TMEM131L: variants seen among roughly 807,000 people sequenced by gnomAD.
TMEM131L encodes transmembrane protein 131-like.
In TMEM131L, 54 loss-of-function variants were observed where a neutral mutation model predicts 192.2. The ratio of observed to expected loss-of-function variants is 0.28; its 90% CI spans 0.23 to 0.35. The LOEUF is 0.35. Ranked by LOEUF, TMEM131L falls within the 10% of genes least tolerant of loss-of-function variation. TMEM131L has a pLI of 1.00. For synonymous variants in TMEM131L, 701 were observed against 704.9 expected, an observed-to-expected ratio of 0.99 and a Z score of 0.09; for missense variants, 1,888 against 1,972.9, an observed-to-expected ratio of 0.96 and a Z score of 0.82.
At chr4:153,523,264 C>T (rs1735242251) in intron 3 of TMEM131L, among the ~76,000 whole-genome samples, 1 of 152,154 alleles carries the variant, frequency 6.6e-6, no homozygotes, top group African/African-American at 2.4e-5. Context: ...AGTATGTTGC[C>T]TTTTAAGTGG....
chr4:153,577,744 T>C (rs1730053914), intron 7 of TMEM131L, among the ~76,000 whole-genome samples: 1 of 152,136 alleles, frequency 6.6e-6, no homozygotes, highest in Non-Finnish European at 1.5e-5. Context: ...GAGGAGAGTA[T>C]GAGAAGCTGA....
At chr4:153,533,147 C>T (rs546701171) in intron 3 of TMEM131L, among the ~76,000 whole-genome samples, 9 of 152,134 alleles carry the variant, frequency 5.9e-5, no homozygotes, top group East Asian at 3.9e-4. Context: ...CTACCACACC[C>T]GGCTAATTTT....
intron 2 of TMEM131L, among the ~76,000 whole-genome samples, chr4:153,470,737 T>C (rs1218994231): frequency 2.0e-5 from 3 of 152,220 alleles, no homozygotes; most frequent in African/African-American, 7.2e-5. Flanking sequence ...TGCGATTCCA[T>C]GTGATCCACG....
At position 153,591,075 on chromosome 4, in the gene TMEM131L, C is replaced by G; in HGVS notation, c.1693C>G (p.Arg565Gly). The change falls in exon 17 of 35, where the codon CGA becomes GGA. Residue 565 changes from arginine (R) to glycine (G), a missense_variant. Arg to Gly is a moderately radical substitution (Grantham distance 125). Coordinates refer to ENST00000409959, the MANE Select transcript of TMEM131L (RefSeq NM_001131007.2). ...VCKRNVLGTT[R>G]FAHLKKSKES... ...CAGGAGGAATGTTTTGGGAACAACTCGATTTGCTCACTTGAAGAAATCCAA... is the reference window on the plus strand; with the variant it reads ...CAGGAGGAATGTTTTGGGAACAACTGGATTTGCTCACTTGAAGAAATCCAA... 1 of 1,593,370 alleles carries G rather than the reference C, an allele frequency of 6.3e-7. No homozygotes were observed. Among genetic ancestry groups the G allele is most frequent in the African/African-American group, 1.3e-5 (1 of 74,294 alleles).
chr4:153,519,494 A>C (rs982412634), intron 3 of TMEM131L, among the ~76,000 whole-genome samples: 2 of 152,174 alleles, frequency 1.3e-5, no homozygotes, highest in Non-Finnish European at 2.9e-5. Flanking sequence ...AGGGATGGAG[A>C]TGCTTTGAGC....
chr4:153,583,101 A>C, intron 9 of TMEM131L, 89 bp from the exon 10 acceptor site: 1 of 742,806 alleles, frequency 1.3e-6, no homozygotes, highest in Admixed American at 2.2e-5. Context: ...GTGGTATTTT[A>C]ATGATTATAT....
At chr4:153,602,046 A>T in intron 21 of TMEM131L, 106 bp from the exon 22 acceptor site, 1 of 657,132 alleles carries the variant, frequency 1.5e-6, no homozygotes, top group East Asian at 3.0e-5. Flanking sequence ...CATTTTAGTA[A>T]TGTAGATCAT....
At chr4:153,540,161 C>CT (rs139596721) in intron 3 of TMEM131L, among the ~76,000 whole-genome samples, 6,300 of 152,004 alleles carry the variant, frequency 0.041, 344 homozygotes, top group East Asian at 0.24. Context: ...CAAAAAACAT[C>CT]TGTCAGTTCA....
chr4:153,573,549 AG>A (rs1729735180), intron 7 of TMEM131L, among the ~76,000 whole-genome samples: 1 of 152,244 alleles, frequency 6.6e-6, no homozygotes, highest in Non-Finnish European at 1.5e-5. Flanking sequence ...AATAGTTAAA[AG>A]CTAGTTATCC....
In TMEM131L at chr4:153,627,696, C is replaced by T; in HGVS notation, c.4207+9C>T. On this transcript the variant is annotated intron_variant, in intron 31 of 34. Transcript: ENST00000409959. ...TGTTGAAGAAGATAAAGGTGAGATG[C>T]ATTCGTCTTGCTGCAGACATCAGCC... The T allele has an allele frequency of 1.9e-6, 3 of 1,605,330 alleles. No individual in the cohort carries two copies. Among genetic ancestry groups the T allele is most frequent in the Non-Finnish European group, 2.6e-6 (3 of 1,172,062 alleles).
chr4:153,521,227 G>C (rs188806386), intron 3 of TMEM131L, among the ~76,000 whole-genome samples: 98 of 152,314 alleles, frequency 6.4e-4, no homozygotes, highest in African/African-American at 2.3e-3. Flanking sequence ...CACCATCAGG[G>C]TGGTGGCTGT....
intron 3 of TMEM131L, among the ~76,000 whole-genome samples, chr4:153,484,801 A>C (rs1428770766): frequency 1.4e-5 from 2 of 143,464 alleles, no homozygotes; most frequent in Non-Finnish European, 3.0e-5. Flanking sequence ...TCCTGTAAGC[A>C]TGAAAATTCT....
chr4:153,474,039 T>G (rs115783080), intron 3 of TMEM131L, among the ~76,000 whole-genome samples, 151 bp downstream of exon 3: 2,776 of 152,298 alleles, frequency 0.018, 84 homozygotes, highest in African/African-American at 0.064. Flanking sequence ...CTATACCTTC[T>G]AATACATTAA....
chr4:153,489,677 C>T (rs754038354), intron 3 of TMEM131L, among the ~76,000 whole-genome samples: 7 of 152,082 alleles, frequency 4.6e-5, no homozygotes, highest in Non-Finnish European at 8.8e-5. Context: ...GGGGTTTCAC[C>T]ATGTTGGTCA....
chr4:153,590,982 C>A, intron 16 of TMEM131L, 71 bp from the exon 17 acceptor site: 2 of 1,086,304 alleles, frequency 1.8e-6, no homozygotes, highest in Non-Finnish European at 1.2e-6. Flanking sequence ...CCCTAAATAA[C>A]AAAATTATTA....
intron 14 of TMEM131L, 40 bp downstream of exon 14, chr4:153,586,419 A>C (rs1392409222): frequency 6.9e-7 from 1 of 1,446,930 alleles, no homozygotes; most frequent in Non-Finnish European, 9.3e-7. Context: ...CAGTTTTCTT[A>C]ATTACTGTTG....
At position 153,620,813 on chromosome 4, in the gene TMEM131L, A is replaced by T; in HGVS notation, c.3625A>T (p.Asn1209Tyr). 1 of 1,595,946 alleles carries T rather than the reference A, an allele frequency of 6.3e-7. No individual in the cohort carries two copies. Among genetic ancestry groups the T allele is most frequent in the Non-Finnish European group, 8.5e-7 (1 of 1,170,388 alleles). ...GGAGAAAAGAGAAGGAAATTTACAA[A>T]ATTTAAATTGGAGTAAAAGTCGAAC... is the stretch of plus-strand genomic sequence containing the variant. ...LQEKREGNLQNLNWSKSRTCR... is the reference protein window; with the variant it reads ...LQEKREGNLQYLNWSKSRTCR... Residue 1209 changes from asparagine to tyrosine, a missense_variant, in exon 27 of 35, where the codon AAT becomes TAT. Transcript: ENST00000409959.
intron 21 of TMEM131L, among the ~76,000 whole-genome samples, chr4:153,600,678 A>C (rs988113080): frequency 3.3e-5 from 5 of 152,260 alleles, no homozygotes; most frequent in Non-Finnish European, 7.3e-5. Flanking sequence ...CACAGAAAGC[A>C]TTTTAGTGTA....
chr4:153,491,356 A>AT lies in TMEM131L; in HGVS notation c.239+17474dup, dbSNP rs545500171. 4.0e-3 allele frequency among the ~76,000 whole-genome samples: 602 copies of AT among 152,250 alleles called. 1 individual carries two copies. The highest frequency in any genetic ancestry group is 0.014 in the African/African-American group (575 of 41,534). On this transcript the variant is annotated intron_variant, in intron 3 of 34. Transcript: ENST00000409959. ...CCGTGTTTTGAGATGGATTGGAGGC[A>AT]TTTTTTGTCCACACACTTGCTTTGG...
Sources: gnomAD v4.1 joint callset for allele counts (sites outside exome capture counted in the v4.1 genomes callset) on GRCh38, gnomAD v4.1.1 for gene constraint, MANE v1.5 for transcripts, NCBI Gene and HGNC (gene_info 2026-07-23, HGNC 2026-07-21) for gene names.